Variants in NELL2 observed in about 807,000 individuals in gnomAD.
The protein encoded by NELL2 is neural EGFL like 2, also known as protein kinase C-binding protein NELL2.
A neutral mutation model predicts 109.6 loss-of-function variants in NELL2; 41 were observed. The ratio of observed to expected loss-of-function variants is 0.37; its 90% CI spans 0.29 to 0.49. NELL2 has a LOEUF of 0.49. Among genes scored for constraint, NELL2 ranks in the 20% least tolerant of loss-of-function variants. The pLI is 0.98. For synonymous variants in NELL2, 355 were observed against 344.7 expected, an observed-to-expected ratio of 1.03 and a Z score of -0.33; for missense variants, 900 against 1,008.3, an observed-to-expected ratio of 0.89 and a Z score of 1.45.
At chr12:44,646,405 G>A (rs2136309307) in intron 13 of NELL2, among the ~76,000 whole-genome samples, 1 of 152,290 alleles carries the variant, frequency 6.6e-6, no homozygotes, top group East Asian at 1.9e-4. Context: ...TCTAAGACCT[G>A]CAGTGAATGC....
intron 13 of NELL2, among the ~76,000 whole-genome samples, chr12:44,645,231 C>A (rs1428887628): frequency 6.6e-6 from 1 of 151,950 alleles, no homozygotes; most frequent in Non-Finnish European, 1.5e-5. Context: ...TAATAGGGAG[C>A]CACTAAATGG....
At chr12:44,842,787 A>G (rs898220535) in intron 2 of NELL2, among the ~76,000 whole-genome samples, 10 of 151,982 alleles carry the variant, frequency 6.6e-5, no homozygotes, top group African/African-American at 2.2e-4. Flanking sequence ...TTTTTTTTCA[A>G]GAAGGCCATA....
At chr12:44,807,101 G>A (rs781752373) in intron 3 of NELL2, among the ~76,000 whole-genome samples, 1 of 151,394 alleles carries the variant, frequency 6.6e-6, no homozygotes, top group African/African-American at 2.4e-5. Context: ...AAAAATCTAC[G>A]AGGAAGATAT....
chr12:44,583,632 C>G (rs1184623413), intron 15 of NELL2, among the ~76,000 whole-genome samples: 1 of 152,148 alleles, frequency 6.6e-6, no homozygotes, highest in Non-Finnish European at 1.5e-5. Context: ...AATTTTCACT[C>G]TATAGAGGAG....
At chr12:44,636,249 TCTC>T (rs936414348) in intron 13 of NELL2, among the ~76,000 whole-genome samples, 3 of 152,134 alleles carry the variant, frequency 2.0e-5, no homozygotes, top group African/African-American at 7.2e-5. Flanking sequence ...TGTGACTTCC[TCTC>T]CTCCTATTTG....
At chr12:44,875,778 C>T in intron 1 of NELL2, 37 bp downstream of exon 1, 1 of 1,612,530 alleles carries the variant, frequency 6.2e-7, no homozygotes, top group South Asian at 1.1e-5. Flanking sequence ...AGGCGGGAGC[C>T]ATCCCTTTCC....
chr12:44,527,616 A>G (rs540133689), intron 16 of NELL2, among the ~76,000 whole-genome samples: 1 of 152,266 alleles, frequency 6.6e-6, no homozygotes, highest in South Asian at 2.1e-4. Flanking sequence ...GGCTTTGTCT[A>G]CTTTCTTTCC....
At chr12:44,840,031 A>G (rs1387623831) in intron 2 of NELL2, among the ~76,000 whole-genome samples, 1 of 152,052 alleles carries the variant, frequency 6.6e-6, no homozygotes, top group Non-Finnish European at 1.5e-5. Flanking sequence ...TTCTACCTAC[A>G]CCAAACCACT....
chr12:44,515,873 C>T (rs1015612641), intron 19 of NELL2, among the ~76,000 whole-genome samples: 2 of 151,906 alleles, frequency 1.3e-5, no homozygotes, highest in African/African-American at 2.4e-5. Flanking sequence ...TTCAGCTACA[C>T]TTATATTTTT....
chr12:44,565,091 A>G (rs1166960142), intron 15 of NELL2, among the ~76,000 whole-genome samples: 2 of 152,122 alleles, frequency 1.3e-5, no homozygotes, highest in African/African-American at 4.8e-5. Flanking sequence ...GTCTTTTCAC[A>G]TACTCCCCAG....
chr12:44,703,037 A>C (rs990447395), intron 12 of NELL2, among the ~76,000 whole-genome samples: 1 of 152,202 alleles, frequency 6.6e-6, no homozygotes, highest in Non-Finnish European at 1.5e-5. Context: ...TGTAGAACTC[A>C]TTAGCTAGTT....
chr12:44,717,825 T>C (rs1246703800), intron 9 of NELL2, among the ~76,000 whole-genome samples: 1 of 152,142 alleles, frequency 6.6e-6, no homozygotes, highest in Admixed American at 6.5e-5. Flanking sequence ...TTCCTGCCAG[T>C]GTCTCCCATT....
chr12:44,876,949 G>C, upstream of NELL2: 1 of 1,176,240 alleles, frequency 8.5e-7, no homozygotes, highest in Non-Finnish European at 1.1e-6. Context: ...CCGGCGCGGA[G>C]AGCTTCCCGG....
chr12:44,718,895 G>A (rs1337785331), intron 9 of NELL2, among the ~76,000 whole-genome samples: 1 of 152,076 alleles, frequency 6.6e-6, no homozygotes, highest in Admixed American at 6.6e-5. Flanking sequence ...TTCACATCAT[G>A]GTCTGTGTGA....
chr12:44,552,485 T>C (rs1799520635), intron 15 of NELL2, among the ~76,000 whole-genome samples: 1 of 152,186 alleles, frequency 6.6e-6, no homozygotes. Context: ...ACTGTATTTA[T>C]TGAATTTCAC....
At chr12:44,818,312 T>C (rs1042011761) in intron 2 of NELL2, among the ~76,000 whole-genome samples, 3 of 152,234 alleles carry the variant, frequency 2.0e-5, no homozygotes, top group Non-Finnish European at 2.9e-5. Flanking sequence ...TTTAATTTAA[T>C]AGATAAAAGC....
intron 9 of NELL2, 79 bp downstream of exon 9, chr12:44,774,668 A>C (rs1941677729): frequency 8.5e-7 from 1 of 1,178,308 alleles, no homozygotes; most frequent in Non-Finnish European, 1.3e-6. Context: ...GCCCAGATTA[A>C]ACCAATGATG....
chr12:44,804,010 AT>A (rs1942919675), intron 3 of NELL2, among the ~76,000 whole-genome samples: 1 of 151,932 alleles, frequency 6.6e-6, no homozygotes, highest in African/African-American at 2.4e-5. Context: ...CAAAGCAAAC[AT>A]TTTTCTTGTA....
intron 12 of NELL2, among the ~76,000 whole-genome samples, chr12:44,697,357 C>T (rs1472906001): frequency 6.6e-6 from 1 of 152,124 alleles, no homozygotes; most frequent in African/African-American, 2.4e-5. Context: ...CACACACACC[C>T]ACAGTCACTC....
Sources: allele counts gnomAD v4.1 joint callset (sites outside exome capture counted in the v4.1 genomes callset), GRCh38; gene constraint gnomAD v4.1.1; transcripts MANE v1.5; gene names NCBI Gene and HGNC (gene_info 2026-07-23, HGNC 2026-07-21).